The following KCNK17 variants were observed in gnomAD, a reference collection of about 807,000 sequenced individuals.
KCNK17 encodes the protein potassium two pore domain channel subfamily K member 17.
KCNK17 carries 27 observed loss-of-function variants against 24.6 expected under a neutral mutation model. The ratio of observed to expected loss-of-function variants is 1.10; its 90% CI spans 0.81 to 1.51. The LOEUF (loss-of-function observed/expected upper bound fraction) is 1.51, where lower values mean the gene tolerates loss of function less well. Ranked by LOEUF, KCNK17 falls within the 40% of genes most tolerant of loss-of-function variation. The pLI, the probability that KCNK17 is intolerant of heterozygous loss-of-function variation, is 0.00. For missense variants in KCNK17, 450 were observed against 436.6 expected (o/e 1.03, Z -0.27); for synonymous variants, 181 against 189.8 (o/e 0.95, Z 0.38).
chr6:39,303,750 G>A (rs1253127922), intron 4 of KCNK17, among the ~76,000 whole-genome samples: 1 of 152,216 alleles, frequency 6.6e-6, no homozygotes, highest in South Asian at 2.1e-4. Flanking sequence ...CCGCGGACGT[G>A]TTGGACCTCT....
intron 3 of KCNK17, 146 bp downstream of exon 3, chr6:39,304,349 C>A: frequency 1.2e-6 from 1 of 824,524 alleles, no homozygotes; most frequent in South Asian, 1.7e-5. Flanking sequence ...TCACTAAGGA[C>A]CCTATTCTGA....
At chr6:39,311,123 C>G in intron 1 of KCNK17, 116 bp from the exon 2 acceptor site, 1 of 589,130 alleles carries the variant, frequency 1.7e-6, no homozygotes, top group Non-Finnish European at 3.0e-6. Flanking sequence ...CACACACAAA[C>G]AAACCTACAC....
At chr6:39,307,970 T>G (rs1339887250) in intron 2 of KCNK17, among the ~76,000 whole-genome samples, 1 of 152,250 alleles carries the variant, frequency 6.6e-6, no homozygotes, top group African/African-American at 2.4e-5. Context: ...ATCATCAGTT[T>G]GCTCCATTAT....
chr6:39,303,706 G>A (rs559503341), intron 4 of KCNK17, among the ~76,000 whole-genome samples: 8 of 152,288 alleles, frequency 5.3e-5, no homozygotes, highest in East Asian at 3.9e-4. Context: ...GGGGACTCCC[G>A]TCATGTGGAG....
intron 1 of KCNK17, 71 bp from the exon 2 acceptor site, chr6:39,311,078 A>G (rs1226320324): frequency 8.0e-5 from 6 of 74,718 alleles, no homozygotes; most frequent in African/African-American, 2.7e-4. Flanking sequence ...AGATGCACAC[A>G]CACACACACA....
rs537003742 is a variant in KCNK17, at chr6:39,313,960, G to C, written c.237+124C>G. The C allele has an allele frequency of 6.1e-4, 441 of 724,126 alleles. 1 individual carries two copies. The African/African-American group carries it at 6.7e-3, about 11-fold the overall frequency. 44.9% of individuals were successfully genotyped at this position (724,126 alleles called of 1,614,324 possible). On this transcript the variant is annotated intron_variant, in intron 1 of 4. Transcript: ENST00000373231. ...CCGTTGTGCCCGCGTCTGCGTTCCC[G>C]ACGTTTCCCTGAACAGGAAACACCT...
In KCNK17 at chr6:39,314,179, C is replaced by T; in HGVS notation, c.142G>A (p.Ala48Thr). ...GVFWTLEGRA[A>T]QDSSRSFQRD... is the part of the protein sequence containing the mutation. ...TGGAAGCTGCGGCTGGAGTCCTGCG[C>T]CGCGCGGCCCTCCAGCGTCCAGAAC... is the stretch of plus-strand genomic sequence containing the variant. The change falls in exon 1 of 5, where the codon GCG (alanine) becomes ACG (threonine). Residue 48 changes from alanine (A) to threonine (T), a missense_variant. Ala to Thr is a moderately conservative substitution (Grantham distance 58). Transcript: ENST00000373231. 1 of 1,558,320 alleles carries T rather than the reference C, an allele frequency of 6.4e-7. No individual in the cohort carries two copies. Among genetic ancestry groups the T allele is most frequent in the Non-Finnish European group, 8.7e-7 (1 of 1,155,700 alleles).
intron 2 of KCNK17, among the ~76,000 whole-genome samples, chr6:39,308,394 G>A (rs928689938): frequency 2.0e-5 from 3 of 152,204 alleles, no homozygotes; most frequent in East Asian, 1.9e-4. Flanking sequence ...AGGCTCAAGC[G>A]ATTCTCGTGC....
Position 39,310,909 on chromosome 6 carries a change from G to A in KCNK17, c.336C>T (p.Ser112=), listed in dbSNP as rs1411446844. 7.5e-6 allele frequency: 12 copies of A among 1,604,340 alleles called. 1 individual carries two copies. Among genetic ancestry groups the A allele is most frequent in the Non-Finnish European group, 1.0e-5 (12 of 1,172,848 alleles). ...ELVGSFFFSV[S]TITTIGYGNL... ...GGCCCTTACCAATGGTGGTGATGGTGGACACAGAAAAGAAGAAGGAGCCCA... is the reference window on the plus strand; with the variant it reads ...GGCCCTTACCAATGGTGGTGATGGTAGACACAGAAAAGAAGAAGGAGCCCA... Residue 112 remains serine (S), a synonymous_variant, in exon 2 of 5, where the codon TCC becomes TCT. Transcript: ENST00000373231.
intron 1 of KCNK17, among the ~76,000 whole-genome samples, chr6:39,312,533 C>A (rs961953499): frequency 6.6e-6 from 1 of 152,174 alleles, no homozygotes; most frequent in Non-Finnish European, 1.5e-5. Flanking sequence ...TCGTATGTAA[C>A]CTCTCTGAGC....
chr6:39,307,676 G>A (rs971316903), intron 2 of KCNK17, among the ~76,000 whole-genome samples: 29 of 152,154 alleles, frequency 1.9e-4, no homozygotes, highest in African/African-American at 7.0e-4. Context: ...GCAAAAGGAT[G>A]TCACCTACCT....
chr6:39,300,557 C>T, intron 4 of KCNK17: 1 of 1,547,276 alleles, frequency 6.5e-7, no homozygotes, highest in Non-Finnish European at 8.7e-7. Context: ...AACAATGGAA[C>T]CATAAGAATA....
At chr6:39,307,679 A>T (rs1583769322) in intron 2 of KCNK17, among the ~76,000 whole-genome samples, 1 of 152,102 alleles carries the variant, frequency 6.6e-6, no homozygotes, top group Admixed American at 6.5e-5. Context: ...AAAGGATGTC[A>T]CCTACCTGTT....
At chr6:39,304,780 G>A (rs1762008262) in intron 2 of KCNK17, 125 bp from the exon 3 acceptor site, 1 of 1,022,292 alleles carries the variant, frequency 9.8e-7, no homozygotes, top group Non-Finnish European at 1.5e-6. Context: ...GTGGGCAGCT[G>A]ATACTTACCA....
intron 1 of KCNK17, among the ~76,000 whole-genome samples, chr6:39,312,155 A>T (rs1008846655): frequency 6.6e-6 from 1 of 152,072 alleles, no homozygotes; most frequent in Non-Finnish European, 1.5e-5. Flanking sequence ...AGTAAAGGAG[A>T]TGTTGCAGAG....
intron 2 of KCNK17, among the ~76,000 whole-genome samples, chr6:39,306,728 G>C (rs1298012511): frequency 6.7e-6 from 1 of 148,346 alleles, no homozygotes; most frequent in East Asian, 1.9e-4. Flanking sequence ...CTTGCAGGCT[G>C]TGGGACCTTG....
chr6:39,313,445 C>A (rs868599082), intron 1 of KCNK17, among the ~76,000 whole-genome samples: 5 of 152,200 alleles, frequency 3.3e-5, no homozygotes, highest in Admixed American at 6.5e-5. Context: ...ACGTCGAGCC[C>A]CCTCTCTGCG....
chr6:39,313,756 A>G (rs994191135), intron 1 of KCNK17, among the ~76,000 whole-genome samples: 5 of 151,406 alleles, frequency 3.3e-5, no homozygotes, highest in African/African-American at 1.2e-4. Context: ...CCCCTGCCGT[A>G]GTCGTCCTCG....
rs1290724726 is a variant in KCNK17, at chr6:39,314,103, G to C, written c.218C>G (p.Ala73Gly). The C allele has an allele frequency of 3.2e-6, 5 of 1,587,250 alleles. No homozygotes were observed. The highest frequency in any genetic ancestry group is 1.1e-5 in the South Asian group (1 of 88,604). ...LQNFTCLDRPALDSLIRDVVQ... is the reference protein window; with the variant it reads ...LQNFTCLDRPGLDSLIRDVVQ... ...CCTGACCCGGATCAGCGAGTCCAGC[G>C]CCGGGCGGTCCAGACACGTGAAGTT... The change falls in exon 1 of 5, where the codon GCG becomes GGG. Residue 73 changes from alanine to glycine, a missense_variant. Coordinates refer to ENST00000373231, the MANE Select transcript of KCNK17 (RefSeq NM_031460.4).
Sources: allele counts gnomAD v4.1 joint callset (sites outside exome capture counted in the v4.1 genomes callset), GRCh38; gene constraint gnomAD v4.1.1; transcripts MANE v1.5; gene names NCBI Gene and HGNC (gene_info 2026-07-23, HGNC 2026-07-21).